CNTNAP2: variants seen among roughly 807,000 people sequenced by gnomAD.
CNTNAP2 encodes contactin-associated protein-like 2.
A neutral mutation model predicts 155.2 loss-of-function variants in CNTNAP2; 98 were observed. That is an observed-to-expected ratio of 0.63 (90% CI 0.54 to 0.75). The LOEUF (loss-of-function observed/expected upper bound fraction) is 0.75. Among genes scored for constraint, CNTNAP2 ranks in the 30% least tolerant of loss-of-function variants. CNTNAP2 has a pLI of 0.00. For missense variants in CNTNAP2, 1,727 were observed against 1,688.1 expected, an observed-to-expected ratio of 1.02 and a Z score of -0.40; for synonymous variants, 651 against 631.2, an observed-to-expected ratio of 1.03 and a Z score of -0.47.
intron 21 of CNTNAP2, among the ~76,000 whole-genome samples, chr7:148,331,690 C>CGGATGGAGTGGAT (rs1484084723): frequency 0.012 from 1,798 of 145,720 alleles, 333 homozygotes; most frequent in African/African-American, 0.022. Flanking sequence ...ATGGAATGGA[C>CGGATGGAGTGGAT]GGATGGAGTG....
chr7:146,235,942 A>G (rs1399144880), intron 1 of CNTNAP2, among the ~76,000 whole-genome samples: 2 of 145,732 alleles, frequency 1.4e-5, no homozygotes, highest in Admixed American at 1.4e-4. Context: ...GATCCATAGT[A>G]CATATGGAAA....
chr7:146,953,127 T>C (rs192679936), intron 3 of CNTNAP2, among the ~76,000 whole-genome samples: 9 of 152,120 alleles, frequency 5.9e-5, no homozygotes, highest in Non-Finnish European at 1.2e-4. Flanking sequence ...TAGAAAAAAC[T>C]TGATGGATAG....
intron 1 of CNTNAP2, among the ~76,000 whole-genome samples, chr7:146,471,844 G>A (rs563433206): frequency 1.3e-5 from 2 of 152,306 alleles, no homozygotes; most frequent in African/African-American, 4.8e-5. Flanking sequence ...TCTGTGGATA[G>A]CAAATGATTA....
chr7:148,168,539 A>T (rs919114162), intron 17 of CNTNAP2, among the ~76,000 whole-genome samples: 1 of 133,536 alleles, frequency 7.5e-6, no homozygotes, highest in African/African-American at 2.8e-5. Flanking sequence ...AGGAAGGGGA[A>T]CATCACACAC....
chr7:146,589,865 G>A (rs185572374), intron 1 of CNTNAP2, among the ~76,000 whole-genome samples: 1 of 152,276 alleles, frequency 6.6e-6, no homozygotes, highest in Admixed American at 6.5e-5. Flanking sequence ...GATAGAGGAA[G>A]CAGAGTTTTC....
intron 21 of CNTNAP2, among the ~76,000 whole-genome samples, chr7:148,369,643 CATTATTATTATTATT>C (rs10694264): frequency 7.0e-6 from 1 of 143,460 alleles, no homozygotes; most frequent in Non-Finnish European, 1.5e-5. Flanking sequence ...TGTTCTTTAT[CATTATTATTATTATT>C]ATTATTATTA....
At chr7:148,370,567 C>T (rs1236270550) in intron 21 of CNTNAP2, among the ~76,000 whole-genome samples, 2 of 152,146 alleles carry the variant, frequency 1.3e-5, no homozygotes, top group Non-Finnish European at 2.9e-5. Flanking sequence ...GCAGCCTTCC[C>T]CTCTTCCGCA....
At chr7:147,609,156 A>T (rs1342827945) in intron 12 of CNTNAP2, among the ~76,000 whole-genome samples, 1 of 152,118 alleles carries the variant, frequency 6.6e-6, no homozygotes, top group Non-Finnish European at 1.5e-5. Context: ...GGTAGCAGAG[A>T]TTCATCAATA....
chr7:146,846,837 T>C (rs941999483), intron 3 of CNTNAP2, among the ~76,000 whole-genome samples: 1 of 152,166 alleles, frequency 6.6e-6, no homozygotes, highest in African/African-American at 2.4e-5. Flanking sequence ...TTACAGGCTG[T>C]AAAATAACAG....
At chr7:147,007,856 T>C (rs1584779869) in intron 3 of CNTNAP2, among the ~76,000 whole-genome samples, 1 of 152,244 alleles carries the variant, frequency 6.6e-6, no homozygotes, top group African/African-American at 2.4e-5. Flanking sequence ...AAAAAAATAC[T>C]TATTTCCTTA....
chr7:148,241,634 A>AG (rs1044298432), intron 20 of CNTNAP2, among the ~76,000 whole-genome samples: 4 of 152,170 alleles, frequency 2.6e-5, no homozygotes, highest in African/African-American at 7.2e-5. Flanking sequence ...TCCATGGTGG[A>AG]GGGGGGAGGA....
At chr7:147,320,043 A>T (rs1795319481) in intron 9 of CNTNAP2, among the ~76,000 whole-genome samples, 1 of 152,212 alleles carries the variant, frequency 6.6e-6, no homozygotes, top group South Asian at 2.1e-4. Flanking sequence ...TAAAACATTT[A>T]CAAAAACAAG....
intron 14 of CNTNAP2, among the ~76,000 whole-genome samples, chr7:147,921,132 G>C (rs529997394): frequency 3.5e-4 from 53 of 151,866 alleles, no homozygotes; most frequent in South Asian, 6.3e-4. Flanking sequence ...TTGTTTAACA[G>C]GCAGAGAAAT....
intron 3 of CNTNAP2, among the ~76,000 whole-genome samples, chr7:147,013,569 A>G (rs1798664811): frequency 6.6e-6 from 1 of 152,022 alleles, no homozygotes; most frequent in Non-Finnish European, 1.5e-5. Context: ...CTTCCTGAAG[A>G]TGATCCTGTC....
At chr7:146,412,212 T>C (rs949271821) in intron 1 of CNTNAP2, among the ~76,000 whole-genome samples, 2 of 152,180 alleles carry the variant, frequency 1.3e-5, no homozygotes, top group East Asian at 1.9e-4. Context: ...GGTCGGCTCC[T>C]GTTAACCAGG....
At chr7:147,379,294 G>A (rs2116928772) in intron 9 of CNTNAP2, among the ~76,000 whole-genome samples, 1 of 152,140 alleles carries the variant, frequency 6.6e-6, no homozygotes, top group South Asian at 2.1e-4. Context: ...ATTTATGAAT[G>A]TTTTATTTCT....
chr7:147,926,784 G>A (rs1800405892), intron 14 of CNTNAP2, among the ~76,000 whole-genome samples: 1 of 152,042 alleles, frequency 6.6e-6, no homozygotes, highest in Admixed American at 6.6e-5. Context: ...AAAAAACAAA[G>A]AGCGTTTTTA....
intron 10 of CNTNAP2, among the ~76,000 whole-genome samples, chr7:147,412,029 C>T (rs1398391894): frequency 6.6e-6 from 1 of 152,192 alleles, no homozygotes; most frequent in Non-Finnish European, 1.5e-5. Context: ...CAGGCTTAGA[C>T]AATCGACATT....
chr7:147,064,712 A>T (rs1172573073), intron 4 of CNTNAP2, among the ~76,000 whole-genome samples: 2 of 152,194 alleles, frequency 1.3e-5, no homozygotes, highest in African/African-American at 4.8e-5. Flanking sequence ...TCCTTAAATA[A>T]AGAATAATAA....
Sources: gnomAD v4.1 joint callset for allele counts (sites outside exome capture counted in the v4.1 genomes callset) on GRCh38, gnomAD v4.1.1 for gene constraint, MANE v1.5 for transcripts, NCBI Gene and HGNC (gene_info 2026-07-23, HGNC 2026-07-21) for gene names.